Variants in CAST observed in about 807,000 individuals in gnomAD.
CAST encodes MIR583 host.
In CAST, 76 loss-of-function variants were observed where a neutral mutation model predicts 119.6. The observed-to-expected ratio is 0.64, with a 90% confidence interval of 0.53 to 0.77. The LOEUF is 0.77. Ranked by LOEUF, CAST falls within the 30% of genes least tolerant of loss-of-function variation. CAST has a pLI of 0.00. For missense variants in CAST, 953 were observed against 946.5 expected, an observed-to-expected ratio of 1.01 and a Z score of -0.09; for synonymous variants, 319 against 331.6, an observed-to-expected ratio of 0.96 and a Z score of 0.41.
the CAST span, among the ~76,000 whole-genome samples, chr5:96,194,087 A>T: frequency 4.6e-5 from 7 of 152,270 alleles, no homozygotes; most frequent in South Asian, 8.3e-4. Flanking sequence ...ATATGACCAT[A>T]CCTAAAAGAA....
chr5:96,774,015 C>T lies in CAST; in HGVS notation c.*1399C>T, dbSNP rs1206035077. ...ATACCTATGGGATTTTACACACCAC[C>T]AGCTTAAAATGCTATGTCTCTATCC... On this transcript the variant is annotated 3_prime_UTR_variant, in exon 32 of 32. Transcript: ENST00000675179. 1.3e-5 allele frequency: 2 copies of T among 152,318 alleles called. No individual in the cohort carries two copies. Among genetic ancestry groups the T allele is most frequent in the Admixed American group, 6.5e-5 (1 of 15,272 alleles). 9.4% of individuals were successfully genotyped at this position (152,318 alleles called of 1,614,324 possible).
At chr5:96,371,537 C>A in the CAST span, among the ~76,000 whole-genome samples, 522 of 152,312 alleles carry the variant, frequency 3.4e-3, 1 homozygote, top group African/African-American at 0.012. Context: ...GTATTTTGAA[C>A]GCTCAAGGTG....
chr5:96,438,646 T>C, the CAST span, among the ~76,000 whole-genome samples: 3 of 152,214 alleles, frequency 2.0e-5, no homozygotes, highest in Non-Finnish European at 4.4e-5. Context: ...GTCATTTTCA[T>C]TGACTTGTAT....
chr5:96,561,672 T>C (rs1293424979), intron 1 of CAST, among the ~76,000 whole-genome samples: 1 of 151,520 alleles, frequency 6.6e-6, no homozygotes, highest in African/African-American at 2.4e-5. Flanking sequence ...GTAACAAAAC[T>C]GCATGTTCTG....
At chr5:96,512,368 G>A in the CAST span, among the ~76,000 whole-genome samples, 1 of 152,170 alleles carries the variant, frequency 6.6e-6, no homozygotes, top group Non-Finnish European at 1.5e-5. Context: ...TATTTTGCAA[G>A]TGCTTCCCAC....
chr5:96,479,763 T>C, the CAST span, among the ~76,000 whole-genome samples: 1 of 151,872 alleles, frequency 6.6e-6, no homozygotes, highest in African/African-American at 2.4e-5. Context: ...TCTTAAAGAG[T>C]AGATAATGTC....
chr5:96,613,590 G>T lies in CAST; in HGVS notation c.61-61949G>T, dbSNP rs186583033. 6.5e-4 allele frequency among the ~76,000 whole-genome samples: 99 copies of T among 152,256 alleles called. 3 individuals are homozygous for T. In the East Asian group the frequency reaches 0.018, roughly 28 times the overall value. On this transcript the variant is annotated intron_variant, in intron 1 of 11. Transcript: ENST00000505143. ...GTGATGGGGACGGGATGCAAAACAA[G>T]TTCTATCTGACCCCAAATTCTGTGT...
the CAST span, among the ~76,000 whole-genome samples, chr5:96,103,893 C>G: frequency 8.6e-5 from 13 of 151,902 alleles, no homozygotes; most frequent in African/African-American, 3.1e-4. Context: ...GATTGCCATT[C>G]TAACTGGTGT....
chr5:96,501,968 C>A, the CAST span, among the ~76,000 whole-genome samples: 37,388 of 152,072 alleles, frequency 0.25, 5,202 homozygotes, highest in African/African-American at 0.37. Context: ...TATGATATAC[C>A]TACAACAACA....
the CAST span, among the ~76,000 whole-genome samples, chr5:96,512,394 C>T: frequency 6.6e-6 from 1 of 152,244 alleles, no homozygotes; most frequent in East Asian, 1.9e-4. Flanking sequence ...ATCAGTAGGC[C>T]ACTTCGGAAA....
the CAST span, among the ~76,000 whole-genome samples, chr5:96,043,131 C>T: frequency 6.6e-6 from 1 of 152,040 alleles, no homozygotes. Flanking sequence ...CATACTTTTT[C>T]TAAAATACAA....
chr5:96,720,808 T>C (rs1758101149), intron 3 of CAST, among the ~76,000 whole-genome samples: 1 of 152,210 alleles, frequency 6.6e-6, no homozygotes, highest in African/African-American at 2.4e-5. Context: ...TTTAATACAT[T>C]TGGATGTGTG....
At chr5:96,486,079 T>A in the CAST span, among the ~76,000 whole-genome samples, 14 of 152,074 alleles carry the variant, frequency 9.2e-5, no homozygotes, top group Non-Finnish European at 1.8e-4. Context: ...AACAACAAAA[T>A]TAATACAGAG....
intron 24 of CAST, chr5:96,761,267 T>C (rs1160037382): frequency 2.6e-5 from 4 of 152,252 alleles, no homozygotes; most frequent in Non-Finnish European, 5.9e-5. Flanking sequence ...TGTTTCAATG[T>C]CATTCTTTTC....
the CAST span, chr5:96,412,939 T>A: frequency 3.1e-6 from 3 of 961,258 alleles, no homozygotes; most frequent in Non-Finnish European, 3.6e-6. Flanking sequence ...AGAAAGACCC[T>A]CCAAGCAGCC....
upstream of CAST, among the ~76,000 whole-genome samples, chr5:96,524,182 G>T (rs1289536027): frequency 6.6e-6 from 1 of 152,198 alleles, no homozygotes; most frequent in Non-Finnish European, 1.5e-5. Context: ...TTCTCATACT[G>T]TTCATACAGT....
At chr5:96,257,932 G>A in the CAST span, among the ~76,000 whole-genome samples, 1 of 152,144 alleles carries the variant, frequency 6.6e-6, no homozygotes, top group Non-Finnish European at 1.5e-5. Context: ...TTCATACAAA[G>A]TCATGCAAAG....
the CAST span, among the ~76,000 whole-genome samples, chr5:96,241,840 T>G: frequency 2.7e-5 from 4 of 150,380 alleles, no homozygotes; most frequent in Non-Finnish European, 4.5e-5. Flanking sequence ...TTTCATGTGT[T>G]TTTTGGCTGC....
At chr5:96,337,377 A>C in the CAST span, among the ~76,000 whole-genome samples, 1 of 152,232 alleles carries the variant, frequency 6.6e-6, no homozygotes, top group East Asian at 1.9e-4. Flanking sequence ...ATAATACTAA[A>C]GAATTATAGG....
Sources: allele counts gnomAD v4.1 joint callset (sites outside exome capture counted in the v4.1 genomes callset), GRCh38; gene constraint gnomAD v4.1.1; transcripts MANE v1.5; gene names NCBI Gene and HGNC (gene_info 2026-07-23, HGNC 2026-07-21).